Variants in MGAT4C observed in about 807,000 individuals in gnomAD.
MGAT4C encodes the protein alpha-1,3-mannosyl-glycoprotein 4-beta-N-acetylglucosaminyltransferase C.
In MGAT4C, 19 loss-of-function variants were observed where a neutral mutation model predicts 40.1. The ratio of observed to expected loss-of-function variants is 0.47; its 90% CI spans 0.33 to 0.70. The LOEUF is 0.70. Ranked by LOEUF, MGAT4C falls within the 30% of genes least tolerant of loss-of-function variation. The pLI is 0.02. For synonymous variants in MGAT4C, 181 were observed against 187.1 expected, an observed-to-expected ratio of 0.97 and a Z score of 0.27; for missense variants, 491 against 563.2, an observed-to-expected ratio of 0.87 and a Z score of 1.30.
chr12:86,568,372 G>A (rs531584870), intron 2 of MGAT4C, among the ~76,000 whole-genome samples: 13 of 151,888 alleles, frequency 8.6e-5, no homozygotes, highest in Non-Finnish European at 1.8e-4. Flanking sequence ...ATGCACTCTT[G>A]GACTTACACT....
At chr12:86,753,127 C>T (rs1017730793) in intron 1 of MGAT4C, among the ~76,000 whole-genome samples, 2 of 152,082 alleles carry the variant, frequency 1.3e-5, no homozygotes, top group East Asian at 3.9e-4. Context: ...AAAGTCTGGC[C>T]ATAAACTGGC....
intron 3 of MGAT4C, among the ~76,000 whole-genome samples, chr12:86,336,942 T>G (rs1954803411): frequency 6.6e-6 from 1 of 152,194 alleles, no homozygotes; most frequent in Admixed American, 6.5e-5. Context: ...ACTAACAGGT[T>G]TTGAAATTTG....
intron 1 of MGAT4C, among the ~76,000 whole-genome samples, chr12:86,811,353 T>G (rs991229990): frequency 1.4e-5 from 2 of 147,924 alleles, no homozygotes; most frequent in African/African-American, 2.5e-5. Flanking sequence ...TTTTTTTTTT[T>G]TTTTCTTGAG....
chr12:86,623,054 G>C (rs756565717), intron 2 of MGAT4C, among the ~76,000 whole-genome samples: 4 of 152,082 alleles, frequency 2.6e-5, no homozygotes, highest in Non-Finnish European at 4.4e-5. Flanking sequence ...TAGTGAACCT[G>C]GTTCATAGAA....
chr12:86,473,462 T>C (rs1957784778), intron 2 of MGAT4C, among the ~76,000 whole-genome samples: 1 of 152,216 alleles, frequency 6.6e-6, no homozygotes, highest in African/African-American at 2.4e-5. Flanking sequence ...TCCTAATAGC[T>C]AAAAGTTTAC....
chr12:86,090,736 ACTT>A (rs768490914), intron 1 of MGAT4C, among the ~76,000 whole-genome samples: 39 of 152,020 alleles, frequency 2.6e-4, no homozygotes, highest in Non-Finnish European at 3.7e-4. Context: ...GTGAGCTTGG[ACTT>A]CTTCTCCAGA....
intron 1 of MGAT4C, among the ~76,000 whole-genome samples, chr12:86,101,487 A>G (rs550673123): frequency 2.6e-5 from 4 of 151,908 alleles, no homozygotes; most frequent in East Asian, 3.9e-4. Context: ...AAGATAAAAT[A>G]ATTCAAGAGA....
intron 1 of MGAT4C, among the ~76,000 whole-genome samples, chr12:86,809,052 A>G (rs1274751009): frequency 6.6e-6 from 1 of 152,102 alleles, no homozygotes; most frequent in African/African-American, 2.4e-5. Flanking sequence ...AGAGAATAAA[A>G]TACCTAAGAA....
intron 2 of MGAT4C, among the ~76,000 whole-genome samples, chr12:86,616,792 G>C (rs1315115923): frequency 4.6e-5 from 7 of 151,592 alleles, no homozygotes; most frequent in Non-Finnish European, 8.8e-5. Context: ...AGCCCAGAGA[G>C]AGAAAAGTAA....
At position 85,977,375 on chromosome 12, in the gene MGAT4C, A is replaced by G. The variant is rs894483938; in HGVS notation, c.*1914T>C. ...CTATCAACTAGCCGGTTAATAAAAG[A>G]TAAGAAAAATAAAGAAAATAGAACA... On this transcript the variant is annotated 3_prime_UTR_variant, in exon 5 of 5. Transcript: ENST00000611864. The G allele has an allele frequency of 6.6e-6, 1 of 151,538 alleles. No homozygotes were observed. Among genetic ancestry groups the G allele is most frequent in the Non-Finnish European group, 1.5e-5 (1 of 67,570 alleles). 9.4% of individuals were successfully genotyped at this position (151,538 alleles called of 1,614,324 possible).
intron 1 of MGAT4C, among the ~76,000 whole-genome samples, chr12:86,818,661 CAAAT>C (rs916786974): frequency 9.3e-5 from 14 of 149,980 alleles, no homozygotes; most frequent in African/African-American, 3.2e-4. Flanking sequence ...AAAATAAACT[CAAAT>C]AAAACATTTT....
At chr12:86,444,295 CA>C in intron 2 of MGAT4C, among the ~76,000 whole-genome samples, 1 of 152,288 alleles carries the variant, frequency 6.6e-6, no homozygotes, top group South Asian at 2.1e-4. Context: ...CTTTCAATCC[CA>C]GGCTCATTTG....
At chr12:86,490,486 C>A (rs1958111144) in intron 2 of MGAT4C, among the ~76,000 whole-genome samples, 1 of 151,926 alleles carries the variant, frequency 6.6e-6, no homozygotes, top group African/African-American at 2.4e-5. Flanking sequence ...ATTGTAAAGA[C>A]CATCGAGACT....
intron 1 of MGAT4C, among the ~76,000 whole-genome samples, chr12:86,090,610 A>T (rs1050754818): frequency 6.6e-6 from 1 of 151,790 alleles, no homozygotes; most frequent in African/African-American, 2.4e-5. Context: ...ATACCAGTCT[A>T]TGTATTTTTT....
At chr12:86,836,946 G>C (rs1409327610) in intron 1 of MGAT4C, among the ~76,000 whole-genome samples, 1 of 151,980 alleles carries the variant, frequency 6.6e-6, no homozygotes, top group Non-Finnish European at 1.5e-5. Flanking sequence ...AGAGTCAGTT[G>C]TAATTTTTAA....
intron 2 of MGAT4C, among the ~76,000 whole-genome samples, chr12:86,649,451 A>C (rs1467139399): frequency 2.6e-5 from 4 of 151,712 alleles, no homozygotes; most frequent in Admixed American, 2.6e-4. Flanking sequence ...ATAATTTCTA[A>C]TTTATAATAT....
At position 86,786,974 on chromosome 12, in the gene MGAT4C, A is replaced by G. The variant is rs79267336; in HGVS notation, c.-262+51692T>C. 9.0e-3 allele frequency among the ~76,000 whole-genome samples: 1,366 copies of G among 152,198 alleles called. 14 individuals are homozygous for G. Among genetic ancestry groups the G allele is most frequent in the African/African-American group, 0.031 (1,308 of 41,544 alleles). ...CCTTTGATTATGCCCCTCAATTGTA[A>G]GCTTCAGGCCCATCAAACAATGTAT... On this transcript the variant is annotated intron_variant, in intron 1 of 7. Coordinates refer to the MGAT4C transcript ENST00000548651.
intron 1 of MGAT4C, among the ~76,000 whole-genome samples, chr12:86,119,193 ATCT>A (rs572478698): frequency 1.3e-3 from 203 of 152,236 alleles, no homozygotes; most frequent in Non-Finnish European, 2.1e-3. Flanking sequence ...GCCTAAAATT[ATCT>A]TCTTATTTTA....
intron 2 of MGAT4C, among the ~76,000 whole-genome samples, chr12:86,662,727 A>G (rs2136550684): frequency 6.6e-6 from 1 of 152,296 alleles, no homozygotes; most frequent in African/African-American, 2.4e-5. Context: ...CTCTCATTTG[A>G]GTTGTTATAC....
Sources: gnomAD v4.1 joint callset for allele counts (sites outside exome capture counted in the v4.1 genomes callset) on GRCh38, gnomAD v4.1.1 for gene constraint, MANE v1.5 for transcripts, NCBI Gene and HGNC (gene_info 2026-07-23, HGNC 2026-07-21) for gene names.